The following XRCC4 variants were observed in gnomAD, a reference collection of about 807,000 sequenced individuals.
XRCC4 encodes X-ray repair cross complementing 4, also known as DNA repair protein XRCC4.
XRCC4 carries 28 observed loss-of-function variants against 39.1 expected under a neutral mutation model. The ratio of observed to expected loss-of-function variants is 0.72; its 90% CI spans 0.53 to 0.98. XRCC4 has a LOEUF of 0.98. Among genes scored for constraint, XRCC4 ranks in the 50% least tolerant of loss-of-function variants. The probability of loss-of-function intolerance (pLI) is 0.00; values close to 1 mark genes in which losing one functional copy is unlikely to be tolerated. For synonymous variants in XRCC4, 123 were observed against 126.4 expected (o/e 0.97, Z 0.18); for missense variants, 350 against 376.4 (o/e 0.93, Z 0.58).
At chr5:83,085,678 T>G (rs1166207174) in intron 1 of XRCC4, among the ~76,000 whole-genome samples, 2 of 152,202 alleles carry the variant, frequency 1.3e-5, no homozygotes, top group Non-Finnish European at 1.5e-5. Flanking sequence ...TTTTCAACAT[T>G]GTTCTTAAGG....
At chr5:83,234,941 TATA>T (rs1483041410) in intron 6 of XRCC4, among the ~76,000 whole-genome samples, 1 of 151,466 alleles carries the variant, frequency 6.6e-6, no homozygotes, top group Admixed American at 6.6e-5. Context: ...TAAATATACA[TATA>T]ATTTAATATG....
In XRCC4 at chr5:83,113,398, C is replaced by T. The variant is rs182566618; in HGVS notation, c.315+2195C>T. On this transcript the variant is annotated intron_variant, in intron 3 of 7. Coordinates refer to ENST00000396027, the MANE Select transcript of XRCC4 (RefSeq NM_003401.5). ...GCTTTCATGGGCTGGCATTGAGTGTCTGTGGCTTTCCCAGGGGCACAGTGC... is the reference window on the plus strand; with the variant it reads ...GCTTTCATGGGCTGGCATTGAGTGTTTGTGGCTTTCCCAGGGGCACAGTGC... 2.2e-4 allele frequency among the ~76,000 whole-genome samples: 34 copies of T among 152,314 alleles called. No individual in the cohort carries two copies. In the East Asian group the frequency reaches 4.3e-3, roughly 19 times the overall value.
Position 83,130,063 on chromosome 5 carries a change from C to T in XRCC4, c.315+18860C>T, listed in dbSNP as rs1376187698. 9.2e-5 allele frequency among the ~76,000 whole-genome samples: 14 copies of T among 152,120 alleles called. 1 individual carries two copies. The highest frequency in any genetic ancestry group is 9.2e-4 in the Admixed American group (14 of 15,274). On this transcript the variant is annotated intron_variant, in intron 3 of 7. Coordinates refer to ENST00000396027, the MANE Select transcript of XRCC4 (RefSeq NM_003401.5). ...CTTGTGCCAGTTTTCAAAGGGAATGCTTCCAGTTTTTGCCCATTCAGTATG... is the reference window on the plus strand; with the variant it reads ...CTTGTGCCAGTTTTCAAAGGGAATGTTTCCAGTTTTTGCCCATTCAGTATG...
At chr5:83,330,688 C>T (rs1207132131) in intron 7 of XRCC4, among the ~76,000 whole-genome samples, 1 of 151,634 alleles carries the variant, frequency 6.6e-6, no homozygotes, top group Non-Finnish European at 1.5e-5. Flanking sequence ...TACTATTATG[C>T]CCTATAACAT....
rs75023346 is a variant in XRCC4, at chr5:83,340,890, T to G, written c.894-12241T>G. Among the ~76,000 whole-genome samples, 848 of 152,322 alleles carry G rather than the reference T, an allele frequency of 5.6e-3. 8 individuals are homozygous for G. Among genetic ancestry groups the G allele is most frequent in the African/African-American group, 0.02 (815 of 41,578 alleles). ...AAATCACTAACCTCCATGGCTAGTA[T>G]TATTGTCTACCCATGTGTTTGCCAC... On this transcript the variant is annotated intron_variant, in intron 7 of 7. Transcript: ENST00000396027.
chr5:83,099,321 TA>T (rs1378747859), intron 1 of XRCC4, among the ~76,000 whole-genome samples: 1 of 152,134 alleles, frequency 6.6e-6, no homozygotes, highest in East Asian at 1.9e-4. Flanking sequence ...TAATTTACTA[TA>T]AAGGAAAATA....
intron 7 of XRCC4, among the ~76,000 whole-genome samples, chr5:83,304,153 A>G (rs1006429014): frequency 3.3e-5 from 5 of 151,970 alleles, no homozygotes; most frequent in South Asian, 2.1e-4. Flanking sequence ...TCATCTGCCC[A>G]AAATTACTGG....
At chr5:83,329,613 ACAT>A (rs961758362) in intron 7 of XRCC4, among the ~76,000 whole-genome samples, 9 of 152,136 alleles carry the variant, frequency 5.9e-5, no homozygotes, top group Admixed American at 5.9e-4. Flanking sequence ...ATCAAAATCA[ACAT>A]CATCAGTAAT....
At chr5:83,373,321 A>T in the XRCC4 span, among the ~76,000 whole-genome samples, 1 of 152,130 alleles carries the variant, frequency 6.6e-6, no homozygotes, top group Non-Finnish European at 1.5e-5. Context: ...CAGCTGTTTC[A>T]AATGCCTTTG....
intron 7 of XRCC4, among the ~76,000 whole-genome samples, chr5:83,294,255 T>G (rs1280406793): frequency 6.6e-6 from 1 of 152,054 alleles, no homozygotes; most frequent in Admixed American, 6.6e-5. Flanking sequence ...CAGGTCATTT[T>G]TTGCCAAATA....
chr5:83,370,992 G>A, the XRCC4 span, among the ~76,000 whole-genome samples: 1 of 151,978 alleles, frequency 6.6e-6, no homozygotes, highest in Non-Finnish European at 1.5e-5. Flanking sequence ...AAATTATCTT[G>A]CAAGGCCTGT....
intron 4 of XRCC4, 37 bp from the exon 5 acceptor site, chr5:83,203,515 C>T: frequency 1.9e-6 from 3 of 1,542,982 alleles, no homozygotes; most frequent in East Asian, 2.3e-5. Context: ...CTAAGCAGAA[C>T]TGCATGACTA....
At chr5:83,258,710 A>G (rs753268298) in intron 7 of XRCC4, 33 bp downstream of exon 7, 2 of 1,596,184 alleles carry the variant, frequency 1.3e-6, no homozygotes, top group East Asian at 4.5e-5. Flanking sequence ...AAGAAGTGAG[A>G]TGACATTTTT....
chr5:83,303,315 A>C (rs1320468919), intron 7 of XRCC4, among the ~76,000 whole-genome samples: 4 of 152,156 alleles, frequency 2.6e-5, no homozygotes, highest in African/African-American at 9.7e-5. Flanking sequence ...TGTAAAATTA[A>C]GTGAAAGATA....
chr5:83,151,874 C>G (rs376367588), intron 3 of XRCC4, among the ~76,000 whole-genome samples: 20 of 152,282 alleles, frequency 1.3e-4, no homozygotes, highest in African/African-American at 4.8e-4. Context: ...AAATTCAGTT[C>G]AGTGGAGATT....
At chr5:83,094,251 T>C (rs1261957392) in intron 1 of XRCC4, among the ~76,000 whole-genome samples, 3 of 151,764 alleles carry the variant, frequency 2.0e-5, no homozygotes, top group Admixed American at 6.6e-5. Context: ...GTTAGGTCTC[T>C]TGATGGTGCT....
At position 83,143,257 on chromosome 5, in the gene XRCC4, T is replaced by C. The variant is rs1748270342; in HGVS notation, c.315+32054T>C. ...TAATCTACCTTTATACTGAAAATAC[T>C]TAGGTATAGTAAGGTCTATTACATT... is the stretch of plus-strand genomic sequence containing the variant. On this transcript the variant is annotated intron_variant, in intron 3 of 7. Transcript: ENST00000396027. Among the ~76,000 whole-genome samples, 10 of 152,122 alleles carry C rather than the reference T, an allele frequency of 6.6e-5. No homozygotes were observed. The South Asian group carries it at 2.1e-3, about 31-fold the overall frequency.
intron 3 of XRCC4, among the ~76,000 whole-genome samples, chr5:83,145,597 A>G (rs757066612): frequency 2.0e-5 from 3 of 152,204 alleles, no homozygotes; most frequent in Non-Finnish European, 2.9e-5. Context: ...AGATTTGAAC[A>G]GTTTATCCAT....
chr5:83,115,090 T>C (rs1390385042), intron 3 of XRCC4, among the ~76,000 whole-genome samples: 1 of 152,102 alleles, frequency 6.6e-6, no homozygotes, highest in African/African-American at 2.4e-5. Flanking sequence ...ACCCCCATGA[T>C]TCGATTACCT....
Sources: allele counts gnomAD v4.1 joint callset (sites outside exome capture counted in the v4.1 genomes callset), GRCh38; gene constraint gnomAD v4.1.1; transcripts MANE v1.5; gene names NCBI Gene and HGNC (gene_info 2026-07-23, HGNC 2026-07-21).